Variants in TOMM70 observed in about 807,000 individuals in gnomAD.
TOMM70 encodes translocase of outer mitochondrial membrane 70, also known as mitochondrial import receptor subunit TOM70.
A neutral mutation model predicts 73.6 loss-of-function variants in TOMM70; 13 were observed. The ratio of observed to expected loss-of-function variants is 0.18; its 90% CI spans 0.11 to 0.28. TOMM70 has a LOEUF of 0.28. Ranked by LOEUF, TOMM70 falls within the 10% of genes least tolerant of loss-of-function variation. The pLI is 1.00. For synonymous variants in TOMM70, 257 were observed against 271.2 expected (o/e 0.95, Z 0.51); for missense variants, 609 against 747.5 (o/e 0.81, Z 2.16).
chr3:100,377,602 C>G (rs1706580401), intron 6 of TOMM70, 103 bp downstream of exon 6: 17 of 1,115,372 alleles, frequency 1.5e-5, no homozygotes, highest in Non-Finnish European at 2.2e-5. Flanking sequence ...AAAAACAGCC[C>G]TTTGAAGAAT....
intron 7 of TOMM70, among the ~76,000 whole-genome samples, chr3:100,374,391 C>T (rs1706541455): frequency 6.6e-6 from 1 of 152,156 alleles, no homozygotes; most frequent in Non-Finnish European, 1.5e-5. Context: ...GGACACATGA[C>T]CCTATTAGGT....
Position 100,386,942 on chromosome 3 carries a change from C to CT in TOMM70, c.360dup (p.Gly121ArgfsTer3), listed in dbSNP as rs1234639293. ...TTTCCTGCTTTAAAATATTTATTGC[C>CT]TTTATTCTTGGCTGCTTGGGCTCTA... On this transcript the variant is annotated frameshift_variant, in exon 2 of 12. Transcript: ENST00000284320. LOFTEE classifies it high-confidence loss of function. 1 of 1,613,986 alleles carries CT rather than the reference C, an allele frequency of 6.2e-7. No homozygotes were observed. Among genetic ancestry groups the CT allele is most frequent in the Non-Finnish European group, 8.5e-7 (1 of 1,179,970 alleles).
intron 11 of TOMM70, among the ~76,000 whole-genome samples, chr3:100,366,190 CT>C (rs1463459342): frequency 5.3e-5 from 8 of 152,312 alleles, no homozygotes; most frequent in African/African-American, 1.9e-4. Context: ...GGGCCCACCT[CT>C]TTCTGTTTCA....
intron 1 of TOMM70, among the ~76,000 whole-genome samples, chr3:100,397,691 C>T (rs1199765429): frequency 6.6e-6 from 1 of 151,986 alleles, no homozygotes; most frequent in East Asian, 1.9e-4. Flanking sequence ...GAGTTTGAGA[C>T]CAGCCTGGCG....
intron 9 of TOMM70, 32 bp from the exon 10 acceptor site, chr3:100,369,167 G>A (rs1238036806): frequency 1.3e-6 from 2 of 1,485,706 alleles, no homozygotes; most frequent in Non-Finnish European, 1.9e-6. Context: ...TTATATTAAG[G>A]TAACCGTCAA....
rs1553737025 is a variant in TOMM70 at position 100,368,012 on chromosome 3, C to T, written c.1673+32G>A. ...AAAAAGCTAAATATCTATGGAGCTACCATATATTTCCTAACAGACTCCAGA... is the reference window on the plus strand; with the variant it reads ...AAAAAGCTAAATATCTATGGAGCTATCATATATTTCCTAACAGACTCCAGA... On this transcript the variant is annotated intron_variant, in intron 11 of 11. Transcript: ENST00000284320. 5 of 1,600,928 alleles carry T rather than the reference C, an allele frequency of 3.1e-6. No individual in the cohort carries two copies. In the East Asian group the frequency reaches 1.1e-4, roughly 36 times the overall value.
At chr3:100,387,447 C>T (rs549478418) in intron 1 of TOMM70, among the ~76,000 whole-genome samples, 6 of 151,894 alleles carry the variant, frequency 4.0e-5, no homozygotes, top group South Asian at 4.2e-4. Flanking sequence ...ACTCTGTCTC[C>T]GCCTGCCCCC....
chr3:100,381,834 C>G (rs576152430), intron 4 of TOMM70, 71 bp from the exon 5 acceptor site: 1 of 1,393,322 alleles, frequency 7.2e-7, no homozygotes, highest in African/African-American at 1.5e-5. Flanking sequence ...CATTGTAGAA[C>G]GCTAAGAATA....
At chr3:100,383,394 A>G (rs1706657455) in intron 4 of TOMM70, among the ~76,000 whole-genome samples, 1 of 152,044 alleles carries the variant, frequency 6.6e-6, no homozygotes, top group Non-Finnish European at 1.5e-5. Context: ...ATAGTGGTGC[A>G]TGCCTGTAGT....
chr3:100,380,894 G>A (rs1706626334), intron 5 of TOMM70, among the ~76,000 whole-genome samples: 1 of 152,120 alleles, frequency 6.6e-6, no homozygotes, highest in Admixed American at 6.6e-5. Context: ...ATATGCTGAA[G>A]ATGCAAAACC....
intron 1 of TOMM70, among the ~76,000 whole-genome samples, chr3:100,399,562 AAC>A: frequency 6.6e-6 from 1 of 152,302 alleles, no homozygotes; most frequent in Non-Finnish European, 1.5e-5. Context: ...AAAAGGATTT[AAC>A]AGTCAGTTCA....
chr3:100,398,194 G>A (rs1706846766), intron 1 of TOMM70, among the ~76,000 whole-genome samples: 1 of 151,694 alleles, frequency 6.6e-6, no homozygotes, highest in East Asian at 1.9e-4. Context: ...GACCAGCCTG[G>A]CCAACCAGGC....
At chr3:100,371,301 C>G (rs970071901) in intron 9 of TOMM70, among the ~76,000 whole-genome samples, 6 of 124,358 alleles carry the variant, frequency 4.8e-5, no homozygotes, top group Middle Eastern at 6.9e-3. Context: ...GAGTCTCACT[C>G]TTGCCCAGGC....
In TOMM70 at chr3:100,377,793, C is replaced by T. The variant is rs1247589776; in HGVS notation, c.1004G>A (p.Arg335Gln). The change falls in exon 6 of 12, where the codon CGA becomes CAA. Residue 335 changes from arginine (R) to glutamine (Q), a missense_variant. This residue lies in a region of TOMM70 where 432 missense variants were observed against 584.1 expected (regional missense o/e 0.74). Coordinates refer to ENST00000284320, the MANE Select transcript of TOMM70 (RefSeq NM_014820.5). Reference protein sequence around the residue: ...GKYMAEALLLRATFYLLIGNA... With the variant: ...GKYMAEALLLQATFYLLIGNA... ...GCCAATAAGCAGGTAGAAGGTAGCTCGTAGTAGCAATGCTTCTGCCATGTA... is the reference window on the plus strand; with the variant it reads ...GCCAATAAGCAGGTAGAAGGTAGCTTGTAGTAGCAATGCTTCTGCCATGTA... 8.1e-6 allele frequency: 13 copies of T among 1,614,184 alleles called. No homozygotes were observed. Among genetic ancestry groups the T allele is most frequent in the Admixed American group, 1.7e-5 (1 of 60,032 alleles).
chr3:100,389,552 CCAAA>C (rs1474018091), intron 1 of TOMM70, among the ~76,000 whole-genome samples: 1 of 151,876 alleles, frequency 6.6e-6, no homozygotes, highest in African/African-American at 2.4e-5. Context: ...CATACTAAGG[CCAAA>C]CAATTTTTTT....
chr3:100,367,661 T>C (rs1242609675), intron 11 of TOMM70, among the ~76,000 whole-genome samples: 2 of 152,218 alleles, frequency 1.3e-5, no homozygotes, highest in Admixed American at 6.5e-5. Context: ...ATAAATCCCA[T>C]ATATAAAACA....
chr3:100,386,203 C>T lies in TOMM70; in HGVS notation c.625+15G>A. 1 of 1,597,716 alleles carries T rather than the reference C, an allele frequency of 6.3e-7. No individual in the cohort carries two copies. Among genetic ancestry groups the T allele is most frequent in the Non-Finnish European group, 8.5e-7 (1 of 1,171,906 alleles). On this transcript the variant is annotated intron_variant, in intron 3 of 11. Transcript: ENST00000284320. ...ATTAAGTAATTTTCATATGTAAACA[C>T]AAAATTACCCTCACCTTCTAAACAT...
At chr3:100,378,242 CAAA>C (rs755941817) in intron 5 of TOMM70, among the ~76,000 whole-genome samples, 9 of 129,818 alleles carry the variant, frequency 6.9e-5, no homozygotes, top group Admixed American at 2.3e-4. Context: ...GACTCCATCT[CAAA>C]AAAAAAAAGA....
At chr3:100,375,193 T>C in intron 6 of TOMM70, 41 bp from the exon 7 acceptor site, 3 of 1,504,464 alleles carry the variant, frequency 2.0e-6, no homozygotes, top group Non-Finnish European at 2.7e-6. Context: ...ATTACTTTTT[T>C]TTCCCTCCAA....
Sources: gnomAD v4.1 joint callset for allele counts (sites outside exome capture counted in the v4.1 genomes callset) on GRCh38, gnomAD v4.1.1 for gene constraint, gnomAD v4.1.1 regional missense constraint, MANE v1.5 for transcripts, NCBI Gene and HGNC (gene_info 2026-07-23, HGNC 2026-07-21) for gene names.